Variants in INTU observed in about 807,000 individuals in gnomAD.
The protein encoded by INTU is inturned planar cell polarity protein.
INTU carries 68 observed loss-of-function variants against 100.5 expected under a neutral mutation model. The ratio of observed to expected loss-of-function variants is 0.68; its 90% CI spans 0.56 to 0.83. INTU has a LOEUF of 0.83. Ranked by LOEUF, INTU falls within the 40% of genes least tolerant of loss-of-function variation. The pLI, the probability that INTU is intolerant of heterozygous loss-of-function variation, is 0.00. For missense variants in INTU, 1,071 were observed against 1,114.7 expected, an observed-to-expected ratio of 0.96 and a Z score of 0.56; for synonymous variants, 357 against 395.7, an observed-to-expected ratio of 0.90 and a Z score of 1.16.
intron 6 of INTU, among the ~76,000 whole-genome samples, chr4:127,679,960 A>C (rs1183239410): frequency 1.3e-5 from 2 of 152,256 alleles, no homozygotes; most frequent in Admixed American, 1.3e-4. Flanking sequence ...CTACCGTCAG[A>C]GAATACTACA....
intron 3 of INTU, among the ~76,000 whole-genome samples, chr4:127,657,282 G>GCGTTTTTA (rs1728274973): frequency 6.6e-6 from 1 of 152,052 alleles, no homozygotes; most frequent in Non-Finnish European, 1.5e-5. Context: ...CCTAAACATT[G>GCGTTTTTA]ACATTGTGTA....
intron 2 of INTU, among the ~76,000 whole-genome samples, chr4:127,652,286 C>T (rs1480965468): frequency 2.0e-5 from 3 of 149,054 alleles, no homozygotes; most frequent in Admixed American, 2.0e-4. Context: ...GACGGCATCC[C>T]TGTCTTGTGC....
intron 2 of INTU, among the ~76,000 whole-genome samples, chr4:127,652,220 C>G (rs1338341499): frequency 1.6e-4 from 21 of 130,606 alleles, no homozygotes; most frequent in Admixed American, 3.1e-4. Flanking sequence ...TTTCCTTCTC[C>G]TGCCTAATTG....
At chr4:127,650,225 T>A (rs1036545373) in intron 2 of INTU, among the ~76,000 whole-genome samples, 17 of 152,158 alleles carry the variant, frequency 1.1e-4, no homozygotes, top group Non-Finnish European at 2.4e-4. Flanking sequence ...TTTAATTTTT[T>A]AATTTTTTTT....
At chr4:127,708,706 G>T in intron 13 of INTU, 38 bp downstream of exon 13, 2 of 1,110,756 alleles carry the variant, frequency 1.8e-6, no homozygotes, top group Non-Finnish European at 1.3e-6. Flanking sequence ...TTAAACTCAG[G>T]AAGTTTTACA....
chr4:127,722,163 T>A lies in INTU; in HGVS notation c.*5727T>A, dbSNP rs916526981. The A allele has an allele frequency of 5.9e-5, 9 of 152,582 alleles. No individual in the cohort carries two copies. In the South Asian group the frequency reaches 1.9e-3, roughly 32 times the overall value. 9.5% of individuals were successfully genotyped at this position (152,582 alleles called of 1,614,324 possible). A position where few individuals can be genotyped will look rare whatever the true frequency, so the allele number is the denominator to read the frequency against. On this transcript the variant is annotated 3_prime_UTR_variant, in exon 16 of 16. Transcript: ENST00000335251. ...TTTTGTGGTGTCTTTTTTGTTGATG[T>A]TGTTGCATTCTGTTTTTCTTTAGTA...
chr4:127,639,986 C>G (rs753426203), intron 1 of INTU, among the ~76,000 whole-genome samples: 2 of 152,124 alleles, frequency 1.3e-5, no homozygotes, highest in African/African-American at 4.8e-5. Context: ...CTGTAGGGTC[C>G]TTAAAGGCAG....
chr4:127,663,542 G>A lies in INTU; in HGVS notation c.930G>A (p.Met310Ile), dbSNP rs1353777579. Residue 310 changes from methionine to isoleucine, a missense_variant, in exon 4 of 16, where the codon ATG (methionine) becomes ATA (isoleucine). Transcript: ENST00000335251. ...QSGLNTPHII[M>I]YLTLQLDSET... is the part of the protein sequence containing the mutation. ...GCCTAAACACTCCTCATATCATTATGTATCTCACACTACAGCTCGACTCAG... is the reference window on the plus strand; with the variant it reads ...GCCTAAACACTCCTCATATCATTATATATCTCACACTACAGCTCGACTCAG... 1.2e-6 allele frequency: 2 copies of A among 1,613,374 alleles called. No homozygotes were observed. Among genetic ancestry groups the A allele is most frequent in the Non-Finnish European group, 1.7e-6 (2 of 1,179,536 alleles).
At chr4:127,695,312 A>G (rs964887365) in intron 8 of INTU, among the ~76,000 whole-genome samples, 1 of 152,168 alleles carries the variant, frequency 6.6e-6, no homozygotes, top group African/African-American at 2.4e-5. Context: ...TAGGAAAGCA[A>G]TTGACTTCTA....
rs189639586 is a variant in INTU at position 127,723,474 on chromosome 4, G to A, written c.*7038G>A. The A allele has an allele frequency of 7.0e-6, 1 of 142,858 alleles. No individual in the cohort carries two copies. The highest frequency in any genetic ancestry group is 2.0e-4 in the East Asian group (1 of 4,896). 8.8% of individuals were successfully genotyped at this position (142,858 alleles called of 1,614,324 possible). A position where few individuals can be genotyped will look rare whatever the true frequency, so the allele number is the denominator to read the frequency against. On this transcript the variant is annotated 3_prime_UTR_variant, in exon 16 of 16. Transcript: ENST00000335251. ...ACTTATTCCTTATCAGATACTTTTC[G>A]TTAATTTAACTATCCTAGTACATAC...
Position 127,717,870 on chromosome 4 carries a change from G to A in INTU, c.*1434G>A, listed in dbSNP as rs1423197584. ...TCTTGTAACTTGGTTTGAGTTCCTT[G>A]TAGATCCTGGATATCAGATCATTGT... is the stretch of plus-strand genomic sequence containing the variant. On this transcript the variant is annotated 3_prime_UTR_variant, in exon 16 of 16. Coordinates refer to ENST00000335251, the MANE Select transcript of INTU (RefSeq NM_015693.4). 4 of 152,096 alleles carry A rather than the reference G, an allele frequency of 2.6e-5. No homozygotes were observed. Among genetic ancestry groups the A allele is most frequent in the African/African-American group, 9.6e-5 (4 of 41,494 alleles). 9.4% of individuals were successfully genotyped at this position (152,096 alleles called of 1,614,324 possible). A position where few individuals can be genotyped will look rare whatever the true frequency, so the allele number is the denominator to read the frequency against.
intron 1 of INTU, among the ~76,000 whole-genome samples, chr4:127,641,774 C>A (rs1280454299): frequency 6.6e-6 from 1 of 152,128 alleles, no homozygotes; most frequent in Admixed American, 6.5e-5. Context: ...TAGTTCCTGG[C>A]ACTGTTTAGT....
chr4:127,666,195 G>A (rs148574808), intron 4 of INTU, among the ~76,000 whole-genome samples: 2 of 152,000 alleles, frequency 1.3e-5, no homozygotes, highest in African/African-American at 4.8e-5. Context: ...AATCTGCCAT[G>A]ATATCCCCGA....
intron 3 of INTU, among the ~76,000 whole-genome samples, chr4:127,660,147 A>T (rs1253655320): frequency 6.6e-6 from 1 of 152,160 alleles, no homozygotes; most frequent in Non-Finnish European, 1.5e-5. Flanking sequence ...CAGAAGAGAG[A>T]TGATAAAGGC....
chr4:127,674,179 G>C lies in INTU; in HGVS notation c.1147G>C (p.Asp383His). 1 of 1,612,008 alleles carries C rather than the reference G, an allele frequency of 6.2e-7. No individual in the cohort carries two copies. The highest frequency in any genetic ancestry group is 8.5e-7 in the Non-Finnish European group (1 of 1,179,100). Residue 383 changes from aspartate (D) to histidine (H), a missense_variant, in exon 6 of 16, where the codon GAC becomes CAC. Coordinates refer to ENST00000335251, the MANE Select transcript of INTU (RefSeq NM_015693.4). ...QIHVAYWKES[D>H]KLLLIGLPAE... ...TCATGTGGCTTATTGGAAAGAATCT[G>C]ACAAGTTGTTGCTAATTGGCCTGCC...
intron 3 of INTU, among the ~76,000 whole-genome samples, chr4:127,660,083 A>C (rs988368203): frequency 1.3e-5 from 2 of 152,112 alleles, no homozygotes; most frequent in African/African-American, 4.8e-5. Flanking sequence ...TGGATGGGGG[A>C]GGCATATGCA....
intron 11 of INTU, 131 bp downstream of exon 11, chr4:127,705,943 C>T (rs909941159): frequency 6.0e-6 from 4 of 662,800 alleles, no homozygotes; most frequent in South Asian, 3.8e-5. Flanking sequence ...CAAACATGCT[C>T]ATGTAAAATT....
intron 6 of INTU, among the ~76,000 whole-genome samples, chr4:127,680,779 G>C (rs1423457980): frequency 6.7e-6 from 1 of 150,080 alleles, no homozygotes; most frequent in East Asian, 2.0e-4. Flanking sequence ...AGGAAATAAA[G>C]GGTATTCAAT....
At chr4:127,661,231 A>G (rs972433147) in intron 3 of INTU, among the ~76,000 whole-genome samples, 1 of 152,192 alleles carries the variant, frequency 6.6e-6, no homozygotes, top group African/African-American at 2.4e-5. Context: ...TGCCAAGTAT[A>G]ACACTAGTTT....
Sources: gnomAD v4.1 joint callset for allele counts (sites outside exome capture counted in the v4.1 genomes callset) on GRCh38, gnomAD v4.1.1 for gene constraint, MANE v1.5 for transcripts, NCBI Gene and HGNC (gene_info 2026-07-23, HGNC 2026-07-21) for gene names.